Variants in MAST4 observed in about 807,000 individuals in gnomAD.
The protein encoded by MAST4 is microtubule associated serine/threonine kinase family member 4.
MAST4 carries 89 observed loss-of-function variants against 162.7 expected under a neutral mutation model. That is an observed-to-expected ratio of 0.55 (90% CI 0.46 to 0.65). The LOEUF (loss-of-function observed/expected upper bound fraction) is 0.65. Ranked by LOEUF, MAST4 falls within the 30% of genes least tolerant of loss-of-function variation. MAST4 has a pLI of 0.00. For synonymous variants in MAST4, 1,479 were observed against 1,361.1 expected, an observed-to-expected ratio of 1.09 and a Z score of -1.91; for missense variants, 3,153 against 3,374.0, an observed-to-expected ratio of 0.93 and a Z score of 1.62.
Position 66,933,272 on chromosome 5 carries a change from T to G in MAST4, c.674+33290T>G, listed in dbSNP as rs72763018. Among the ~76,000 whole-genome samples, 1,176 of 152,330 alleles carry G rather than the reference T, an allele frequency of 7.7e-3. 12 individuals are homozygous for G. Among genetic ancestry groups the G allele is most frequent in the Non-Finnish European group, 0.012 (850 of 68,022 alleles). ...AATATTTCAGTGGTGACGAACTGTT[T>G]TCATAATTTGACTCACTGGAAGTGA... On this transcript the variant is annotated intron_variant, in intron 4 of 28. Coordinates refer to ENST00000403625, the MANE Select transcript of MAST4 (RefSeq NM_001164664.2).
chr5:66,749,249 TGA>T (rs1752980554), intron 1 of MAST4, among the ~76,000 whole-genome samples: 1 of 152,072 alleles, frequency 6.6e-6, no homozygotes, highest in Admixed American at 6.5e-5. Context: ...AGGTCCAGTC[TGA>T]GAGAGAGGTA....
chr5:66,858,182 G>A (rs984182430), intron 3 of MAST4, among the ~76,000 whole-genome samples: 12 of 152,062 alleles, frequency 7.9e-5, no homozygotes, highest in African/African-American at 2.9e-4. Flanking sequence ...AGTAGAGACA[G>A]ATTTTACCAT....
chr5:66,917,336 T>A (rs1041799903), intron 4 of MAST4: 2 of 294,122 alleles, frequency 6.8e-6, no homozygotes, highest in African/African-American at 4.3e-5. Context: ...GTGAAAGTAT[T>A]AATCCGTTGT....
intron 1 of MAST4, chr5:66,662,222 T>G (rs1371121358): frequency 6.6e-6 from 1 of 151,864 alleles, no homozygotes; most frequent in East Asian, 1.9e-4. Context: ...TGGGGCTATT[T>G]AAAAAAAACA....
intron 4 of MAST4, among the ~76,000 whole-genome samples, chr5:67,012,700 G>A (rs1752836100): frequency 6.6e-6 from 1 of 152,100 alleles, no homozygotes; most frequent in South Asian, 2.1e-4. Flanking sequence ...TTCATACATT[G>A]TAGTTCTGGT....
At chr5:66,681,599 C>T (rs1401918140) in intron 1 of MAST4, among the ~76,000 whole-genome samples, 1 of 152,232 alleles carries the variant, frequency 6.6e-6, no homozygotes, top group Non-Finnish European at 1.5e-5. Context: ...GGGCTCTGCC[C>T]TTGTTCAGCT....
At chr5:66,858,589 C>G (rs1759856471) in intron 3 of MAST4, among the ~76,000 whole-genome samples, 1 of 152,112 alleles carries the variant, frequency 6.6e-6, no homozygotes, top group Non-Finnish European at 1.5e-5. Context: ...TGTAATCAAT[C>G]TTGACTTTTG....
chr5:67,035,011 ATC>A (rs1755841178), intron 4 of MAST4, among the ~76,000 whole-genome samples: 1 of 152,138 alleles, frequency 6.6e-6, no homozygotes, highest in Non-Finnish European at 1.5e-5. Context: ...TCACTTTCAA[ATC>A]TCTGCAACTC....
chr5:66,929,387 T>C (rs984244129), intron 4 of MAST4, among the ~76,000 whole-genome samples: 2 of 152,160 alleles, frequency 1.3e-5, no homozygotes, highest in Non-Finnish European at 2.9e-5. Context: ...CCTGCCGACA[T>C]TGAGAGAAAA....
intron 2 of MAST4, among the ~76,000 whole-genome samples, chr5:66,770,186 C>A (rs376439870): frequency 6.6e-6 from 1 of 152,300 alleles, no homozygotes; most frequent in South Asian, 2.1e-4. Flanking sequence ...TTTTAAGAAG[C>A]GTTAAAACCA....
intron 1 of MAST4, among the ~76,000 whole-genome samples, chr5:66,748,282 T>G (rs1231117239): frequency 6.6e-6 from 1 of 151,942 alleles, no homozygotes; most frequent in Non-Finnish European, 1.5e-5. Flanking sequence ...TTAATAAATG[T>G]CTATAAAAAG....
intron 3 of MAST4, among the ~76,000 whole-genome samples, chr5:66,880,463 A>G (rs761946494): frequency 6.6e-6 from 1 of 151,698 alleles, no homozygotes; most frequent in African/African-American, 2.4e-5. Flanking sequence ...TTTTAAACAT[A>G]AAGAAATCCA....
intron 4 of MAST4, among the ~76,000 whole-genome samples, chr5:67,044,613 C>T (rs1387920718): frequency 3.9e-5 from 6 of 152,118 alleles, no homozygotes; most frequent in Middle Eastern, 3.2e-3. Flanking sequence ...CTCTTAGGAT[C>T]AAGTTATCCT....
intron 4 of MAST4, among the ~76,000 whole-genome samples, chr5:66,914,232 G>GA (rs397941465): frequency 1.1e-4 from 17 of 152,218 alleles, no homozygotes; most frequent in African/African-American, 4.1e-4. Flanking sequence ...TACTTATACT[G>GA]AAATTCTAGT....
chr5:66,950,465 G>T (rs1383034497), intron 4 of MAST4, among the ~76,000 whole-genome samples: 1 of 151,776 alleles, frequency 6.6e-6, no homozygotes, highest in Non-Finnish European at 1.5e-5. Flanking sequence ...ATTCCACTTT[G>T]TCTCTATGAA....
intron 1 of MAST4, among the ~76,000 whole-genome samples, chr5:66,671,354 C>T (rs1418362600): frequency 6.6e-6 from 1 of 152,086 alleles, no homozygotes; most frequent in Non-Finnish European, 1.5e-5. Flanking sequence ...ATTTGTGTTC[C>T]AGTGTGAAGA....
chr5:66,902,783 C>A (rs1763094964), intron 4 of MAST4: 1 of 435,608 alleles, frequency 2.3e-6, no homozygotes, highest in South Asian at 1.7e-5. Context: ...TCCTAGACAG[C>A]TGGATTTTAG....
chr5:66,723,027 T>A (rs1251151538), intron 1 of MAST4, among the ~76,000 whole-genome samples: 1 of 152,184 alleles, frequency 6.6e-6, no homozygotes, highest in Non-Finnish European at 1.5e-5. Flanking sequence ...CATGGGTATA[T>A]TTCTGCCTTT....
chr5:66,717,669 A>G (rs2149532985), intron 1 of MAST4, among the ~76,000 whole-genome samples: 1 of 152,348 alleles, frequency 6.6e-6, no homozygotes, highest in African/African-American at 2.4e-5. Context: ...TAGGCATTTA[A>G]TAGATCTCCA....
Sources: allele counts gnomAD v4.1 joint callset (sites outside exome capture counted in the v4.1 genomes callset), GRCh38; gene constraint gnomAD v4.1.1; transcripts MANE v1.5; gene names NCBI Gene and HGNC (gene_info 2026-07-23, HGNC 2026-07-21).